EFCAB11: variants seen among roughly 807,000 people sequenced by gnomAD.
EFCAB11 encodes the protein EF-hand calcium binding domain 11, also known as EF-hand calcium-binding domain-containing protein 11.
In EFCAB11, 14 loss-of-function variants were observed where a neutral mutation model predicts 23.0. The observed-to-expected ratio is 0.61, with a 90% CI of 0.40 to 0.95. The LOEUF is 0.95. Among genes scored for constraint, EFCAB11 ranks in the 40% least tolerant of loss-of-function variants. The pLI is 0.00. For synonymous variants in EFCAB11, 65 were observed against 66.6 expected, an observed-to-expected ratio of 0.98 and a Z score of 0.11; for missense variants, 198 against 195.8, an observed-to-expected ratio of 1.01 and a Z score of -0.07.
intron 1 of EFCAB11, chr14:89,954,249 T>C (rs1467671389): frequency 3.2e-6 from 4 of 1,255,746 alleles, no homozygotes; most frequent in Non-Finnish European, 4.5e-6. Context: ...AATTAATTCA[T>C]TTAGGCCACT....
At chr14:89,844,941 T>G (rs1887385378) in intron 5 of EFCAB11, among the ~76,000 whole-genome samples, 1 of 150,436 alleles carries the variant, frequency 6.6e-6, no homozygotes, top group South Asian at 2.1e-4. Context: ...GCACTGTGGG[T>G]GTGTTGGAGG....
At chr14:89,806,699 AG>A (rs1270513633) in intron 5 of EFCAB11, among the ~76,000 whole-genome samples, 2 of 152,166 alleles carry the variant, frequency 1.3e-5, no homozygotes, top group African/African-American at 2.4e-5. Context: ...CTCTCTGCTC[AG>A]CTAGGCTGCT....
intron 5 of EFCAB11, among the ~76,000 whole-genome samples, chr14:89,929,966 T>C (rs1890334182): frequency 6.6e-6 from 1 of 152,224 alleles, no homozygotes; most frequent in South Asian, 2.1e-4. Flanking sequence ...AACTGGTCTT[T>C]TTGTAAAAAG....
At chr14:89,838,040 T>A (rs985101542) in intron 5 of EFCAB11, among the ~76,000 whole-genome samples, 1 of 152,186 alleles carries the variant, frequency 6.6e-6, no homozygotes, top group Non-Finnish European at 1.5e-5. Flanking sequence ...GTTTCAGAGC[T>A]GAGGAATTCA....
chr14:89,802,954 T>C (rs528662349), intron 5 of EFCAB11, among the ~76,000 whole-genome samples: 1 of 152,336 alleles, frequency 6.6e-6, no homozygotes, highest in East Asian at 1.9e-4. Flanking sequence ...GCACGATTGA[T>C]ATTTTGGACC....
At chr14:89,860,905 C>T (rs1444517944) in intron 5 of EFCAB11, among the ~76,000 whole-genome samples, 1 of 152,200 alleles carries the variant, frequency 6.6e-6, no homozygotes, top group Non-Finnish European at 1.5e-5. Context: ...TCTTGTTTTA[C>T]AGTCTCCCCA....
At chr14:89,892,895 C>G (rs1889022800) in intron 5 of EFCAB11, among the ~76,000 whole-genome samples, 1 of 151,900 alleles carries the variant, frequency 6.6e-6, no homozygotes, top group South Asian at 2.1e-4. Context: ...GAGTGAGACT[C>G]TGTTTCAAAA....
At chr14:89,950,060 AT>A in intron 3 of EFCAB11, 36 bp downstream of exon 3, 1 of 1,503,786 alleles carries the variant, frequency 6.6e-7, no homozygotes, top group Non-Finnish European at 9.0e-7. Context: ...CAGTGTCTAA[AT>A]AAGGTACTAA....
chr14:89,931,752 C>T (rs770671173), intron 4 of EFCAB11, 121 bp from the exon 5 acceptor site: 3 of 731,898 alleles, frequency 4.1e-6, no homozygotes, highest in Admixed American at 2.7e-5. Flanking sequence ...CAGTAGTTTA[C>T]GATTGATTTC....
At chr14:89,818,537 T>C (rs1449411545) in intron 5 of EFCAB11, among the ~76,000 whole-genome samples, 1 of 152,088 alleles carries the variant, frequency 6.6e-6, no homozygotes, top group Non-Finnish European at 1.5e-5. Flanking sequence ...TTTCTGAAAA[T>C]GTATCCAAAG....
rs1016041278 is a variant in EFCAB11 at position 89,924,116 on chromosome 14, C to G, written c.410+7425G>C. 14 of 985,656 alleles carry G rather than the reference C, an allele frequency of 1.4e-5. No homozygotes were observed. In the African/African-American group the frequency reaches 2.4e-4, roughly 17 times the overall value. The allele number at this position is 985,656 out of a possible 1,614,324, so 61.1% of individuals were successfully genotyped here. On this transcript the variant is annotated intron_variant, in intron 5 of 5. Coordinates refer to ENST00000316738, the MANE Select transcript of EFCAB11 (RefSeq NM_145231.4). ...CTTTTACAATTGCATTCCTAAGACC[C>G]AGCCCCCACTAATACTCTGATTTTG...
intron 5 of EFCAB11, among the ~76,000 whole-genome samples, chr14:89,860,859 C>T (rs967433644): frequency 2.0e-5 from 3 of 152,128 alleles, no homozygotes; most frequent in African/African-American, 7.2e-5. Flanking sequence ...AGTAAATTTC[C>T]TTCCAAGGGG....
chr14:89,890,825 C>G (rs1049209461), intron 5 of EFCAB11, among the ~76,000 whole-genome samples: 1 of 152,194 alleles, frequency 6.6e-6, no homozygotes, highest in Non-Finnish European at 1.5e-5. Flanking sequence ...CATGGGGAGA[C>G]GAGGCCAGAA....
chr14:89,910,198 T>G (rs922329431), intron 5 of EFCAB11, among the ~76,000 whole-genome samples: 2 of 152,154 alleles, frequency 1.3e-5, no homozygotes, highest in Admixed American at 6.5e-5. Flanking sequence ...CAGGGAAAGA[T>G]CTCTCTTACA....
chr14:89,931,179 A>C (rs961590159), intron 5 of EFCAB11: 1 of 183,058 alleles, frequency 5.5e-6, no homozygotes, highest in African/African-American at 2.4e-5. Flanking sequence ...TCTGAAATAC[A>C]GACCATGTGA....
At chr14:89,852,240 A>C (rs1372677640) in intron 5 of EFCAB11, among the ~76,000 whole-genome samples, 1 of 152,260 alleles carries the variant, frequency 6.6e-6, no homozygotes, top group African/African-American at 2.4e-5. Context: ...TCTTATTTGA[A>C]GCAATCTGGA....
At chr14:89,877,665 A>G (rs993631935) in intron 5 of EFCAB11, among the ~76,000 whole-genome samples, 1 of 152,194 alleles carries the variant, frequency 6.6e-6, no homozygotes, top group African/African-American at 2.4e-5. Flanking sequence ...CCTAGAATCA[A>G]TGGTGTCTCA....
intron 5 of EFCAB11, among the ~76,000 whole-genome samples, chr14:89,817,746 C>T (rs1886379581): frequency 6.6e-6 from 1 of 152,074 alleles, no homozygotes; most frequent in Non-Finnish European, 1.5e-5. Context: ...GTAATCCCAG[C>T]ACTTTGGGAG....
At chr14:89,939,912 T>G (rs1890733956) in intron 3 of EFCAB11, among the ~76,000 whole-genome samples, 1 of 152,206 alleles carries the variant, frequency 6.6e-6, no homozygotes, top group South Asian at 2.1e-4. Flanking sequence ...CTAATTTTTG[T>G]ATTTTTAATA....
Sources: gnomAD v4.1 joint callset for allele counts (sites outside exome capture counted in the v4.1 genomes callset) on GRCh38, gnomAD v4.1.1 for gene constraint, MANE v1.5 for transcripts, NCBI Gene and HGNC (gene_info 2026-07-23, HGNC 2026-07-21) for gene names.